The following DNM1 variants were observed in gnomAD, a reference collection of about 807,000 sequenced individuals.
DNM1 encodes the protein dynamin-1.
Under a neutral mutation model 104.6 loss-of-function variants are expected in DNM1, and 29 were observed. The ratio of observed to expected loss-of-function variants is 0.28; its 90% CI spans 0.21 to 0.38. The LOEUF is 0.38. Among genes scored for constraint, DNM1 ranks in the 10% least tolerant of loss-of-function variants. The pLI, the probability that DNM1 is intolerant of heterozygous loss-of-function variation, is 1.00. For missense variants in DNM1, 640 were observed against 1,189.4 expected (o/e 0.54, Z 6.79); for synonymous variants, 445 against 475.8 (o/e 0.94, Z 0.84).
chr9:128,226,213 AT>A (rs1309772693), intron 10 of DNM1: 27 of 1,608,944 alleles, frequency 1.7e-5, no homozygotes, highest in Non-Finnish European at 2.2e-5. Flanking sequence ...CTGGCCGTCC[AT>A]TCCTTGTGGC....
At position 128,203,383 on chromosome 9, in the gene DNM1, T is replaced by A; in HGVS notation, c.-88T>A. Reference sequence around the variant, plus strand: ...CGGGGGCCCCGCGGCGCAGGCAGTCTGGGCGCGCGGCTGCAGCGGCGGAGC... The same window carrying A: ...CGGGGGCCCCGCGGCGCAGGCAGTCAGGGCGCGCGGCTGCAGCGGCGGAGC... On this transcript the variant is annotated 5_prime_UTR_variant, in exon 1 of 22. Coordinates refer to ENST00000372923, the MANE Select transcript of DNM1 (RefSeq NM_004408.4). This position sits in a 1 kb window ranked among gnomAD's most constrained non-coding sequence, Gnocchi z 5.3. 7.9e-7 allele frequency: 1 copy of A among 1,263,488 alleles called. No homozygotes were observed. The highest frequency in any genetic ancestry group is 1.0e-6 in the Non-Finnish European group (1 of 996,232). 78.3% of individuals were successfully genotyped at this position (1,263,488 alleles called of 1,614,324 possible).
intron 14 of DNM1, among the ~76,000 whole-genome samples, chr9:128,241,271 C>CT (rs1836347621): frequency 1.3e-5 from 2 of 152,166 alleles, no homozygotes; most frequent in African/African-American, 4.8e-5. Context: ...GCAGAAGCAG[C>CT]TGCCTCATCC....
Position 128,220,403 on chromosome 9 carries a change from GT to G in DNM1, c.849+63del, listed in dbSNP as rs1834870055. On this transcript the variant is annotated intron_variant, in intron 6 of 21. Transcript: ENST00000372923. This position sits in a 1 kb window ranked among gnomAD's most constrained non-coding sequence, Gnocchi z 5.2. ...AGCATGAAAACAGGATAAATTAAGTGTGTTCTGAGAGTGAACAGCAGAGGTT... is the reference window on the plus strand; with the variant it reads ...AGCATGAAAACAGGATAAATTAAGTGGTTCTGAGAGTGAACAGCAGAGGTT... 1 of 1,590,196 alleles carries G rather than the reference GT, an allele frequency of 6.3e-7. No individual in the cohort carries two copies. The highest frequency in any genetic ancestry group is 1.3e-5 in the African/African-American group (1 of 74,634).
At chr9:128,227,163 A>G (rs1195096671) in intron 10 of DNM1, among the ~76,000 whole-genome samples, 1 of 151,114 alleles carries the variant, frequency 6.6e-6, no homozygotes, top group Non-Finnish European at 1.5e-5. Context: ...ACTAGCATGT[A>G]CCACCACACC....
In DNM1 at chr9:128,250,753, C is replaced by T. The variant is rs1294520095; in HGVS notation, c.2347C>T (p.Arg783Cys). 2 of 1,430,618 alleles carry T rather than the reference C, an allele frequency of 1.4e-6. No individual in the cohort carries two copies. The highest frequency in any genetic ancestry group is 1.8e-6 in the Non-Finnish European group (2 of 1,096,462). The allele number at this position is 1,430,618 out of a possible 1,614,324, so 88.6% of individuals were successfully genotyped here. A position where few individuals can be genotyped will look rare whatever the true frequency, so the allele number is the denominator to read the frequency against. ...GCCCACGTCCAGCCCCACGCCGCAG[C>T]GCCGAGCCCCCGCCGTGCCCCCAGC... ...RSPTSSPTPQRRAPAVPPARP... is the reference protein window; with the variant it reads ...RSPTSSPTPQCRAPAVPPARP... The change falls in exon 21 of 22, where the codon CGC becomes TGC. Residue 783 changes from arginine (R) to cysteine (C), a missense_variant. Coordinates refer to ENST00000372923, the MANE Select transcript of DNM1 (RefSeq NM_004408.4).
chr9:128,249,685 G>A (rs1001800198), intron 19 of DNM1, among the ~76,000 whole-genome samples: 1 of 151,816 alleles, frequency 6.6e-6, no homozygotes, highest in Admixed American at 6.6e-5. Context: ...AGCTGGGGTT[G>A]GTGGTAGCAC....
At chr9:128,226,278 A>G (rs1013425647) in intron 10 of DNM1, 15 of 1,517,728 alleles carry the variant, frequency 9.9e-6, no homozygotes, top group Non-Finnish European at 1.3e-5. Flanking sequence ...GGCTACCCGC[A>G]GGGACCCAGC....
chr9:128,229,990 C>T (rs562383312), intron 10 of DNM1, among the ~76,000 whole-genome samples: 61 of 151,620 alleles, frequency 4.0e-4, no homozygotes, highest in African/African-American at 1.4e-3. Flanking sequence ...GAGGCTGAGG[C>T]GAGTGGATCA....
At chr9:128,237,564 C>T (rs1003720045) in intron 11 of DNM1, among the ~76,000 whole-genome samples, 12 of 152,008 alleles carry the variant, frequency 7.9e-5, no homozygotes, top group African/African-American at 2.4e-4. Flanking sequence ...CCACCCCGCC[C>T]GGCCTGTCCT....
rs1834765839 is a variant in DNM1 at position 128,218,789 on chromosome 9, T to C, written c.385+58T>C. The C allele has an allele frequency of 3.3e-6, 5 of 1,518,812 alleles. No individual in the cohort carries two copies. In the South Asian group the frequency reaches 6.3e-5, roughly 19 times the overall value. The allele number at this position is 1,518,812 out of a possible 1,614,324, so 94.1% of individuals were successfully genotyped here. ...AATCATTTTCTTGGCCACGCACCTC[T>C]GCGTGCCTCGCTCCTCCTGCAGACT... is the stretch of plus-strand genomic sequence containing the variant. On this transcript the variant is annotated intron_variant, in intron 3 of 21. Coordinates refer to ENST00000372923, the MANE Select transcript of DNM1 (RefSeq NM_004408.4). This position sits in a 1 kb window ranked among gnomAD's most constrained non-coding sequence, Gnocchi z 4.8.
chr9:128,246,971 C>A, intron 16 of DNM1: 1 of 229,880 alleles, frequency 4.4e-6, no homozygotes. Flanking sequence ...CCTTCCTGAC[C>A]CAAGGCTGAC....
In DNM1 at chr9:128,253,139, T is replaced by C; in HGVS notation, c.2535-1515T>C. 6.2e-7 allele frequency: 1 copy of C among 1,605,448 alleles called. No homozygotes were observed. The highest frequency in any genetic ancestry group is 1.1e-5 in the South Asian group (1 of 91,024). ...GACCCCTGAGGAGCGTCAGCCATGG[T>C]AGGTACATGCCTCACCGCCTGCTGC... On this transcript the variant is annotated intron_variant, in intron 21 of 21. Coordinates refer to ENST00000372923, the MANE Select transcript of DNM1 (RefSeq NM_004408.4). This position sits in a 1 kb window ranked among gnomAD's most constrained non-coding sequence, Gnocchi z 5.9.
At chr9:128,232,791 T>G (rs1219764051) in intron 10 of DNM1, 3 of 152,246 alleles carry the variant, frequency 2.0e-5, no homozygotes, top group African/African-American at 7.2e-5. Context: ...ATGCACTGAG[T>G]CTCCTCCCCG....
At position 128,250,732 on chromosome 9, in the gene DNM1, A is replaced by G; in HGVS notation, c.2326A>G (p.Thr776Ala). 6.9e-7 allele frequency: 1 copy of G among 1,459,610 alleles called. No homozygotes were observed. The highest frequency in any genetic ancestry group is 9.0e-7 in the Non-Finnish European group (1 of 1,112,070). 90.4% of individuals were successfully genotyped at this position (1,459,610 alleles called of 1,614,324 possible). A position where few individuals can be genotyped will look rare whatever the true frequency, so the allele number is the denominator to read the frequency against. The change falls in exon 21 of 22, where the codon ACG becomes GCG. Residue 776 changes from threonine (T) to alanine (A), a missense_variant. By Grantham distance (58) the Thr-to-Ala change is moderately conservative (BLOSUM62 0). Coordinates refer to ENST00000372923, the MANE Select transcript of DNM1 (RefSeq NM_004408.4). ...GCTCCCTGTCGCCCTCAGGTCGCCCACGTCCAGCCCCACGCCGCAGCGCCG... is the reference window on the plus strand; with the variant it reads ...GCTCCCTGTCGCCCTCAGGTCGCCCGCGTCCAGCCCCACGCCGCAGCGCCG... ...QSVPAGRRSPTSSPTPQRRAP... is the reference protein window; with the variant it reads ...QSVPAGRRSPASSPTPQRRAP...
intron 21 of DNM1, chr9:128,252,946 GTT>G: frequency 1.3e-6 from 1 of 750,720 alleles, no homozygotes; most frequent in Non-Finnish European, 2.3e-6. Context: ...TATGCGTGTT[GTT>G]TGTGGGCATG....
chr9:128,241,132 C>A lies in DNM1; in HGVS notation c.1558-1100C>A, dbSNP rs558585335. On this transcript the variant is annotated intron_variant, in intron 14 of 21. Transcript: ENST00000372923. ...GGTTCTCAGCGAGGTTCTCAGGGAACCAGAGAGGCATAAGGAGGGCTCCAG... is the reference window on the plus strand; with the variant it reads ...GGTTCTCAGCGAGGTTCTCAGGGAAACAGAGAGGCATAAGGAGGGCTCCAG... 3.0e-3 allele frequency: 453 copies of A among 152,322 alleles called. 2 individuals carry two copies. The highest frequency in any genetic ancestry group is 0.01 in the African/African-American group (434 of 41,532). 9.4% of individuals were successfully genotyped at this position (152,322 alleles called of 1,614,324 possible).
Position 128,243,776 on chromosome 9 carries a change from C to T in DNM1, c.1671+1431C>T, listed in dbSNP as rs994798496. On this transcript the variant is annotated intron_variant, in intron 15 of 21. Coordinates refer to ENST00000372923, the MANE Select transcript of DNM1 (RefSeq NM_004408.4). This position sits in a 1 kb window ranked among gnomAD's most constrained non-coding sequence, Gnocchi z 4.0. ...ACCGGGTGACACTGTGGGGGAGGGG[C>T]ACGTGCCACTGAGGGGGTCCCCTGA... Among the ~76,000 whole-genome samples the T allele has an allele frequency of 3.9e-5, 6 of 152,236 alleles. No homozygotes were observed. The South Asian group carries it at 6.2e-4, about 16-fold the overall frequency.
rs562221746 is a variant in DNM1, at chr9:128,225,987, C to G, written c.1335+1598C>G. 95 of 1,595,188 alleles carry G rather than the reference C, an allele frequency of 6.0e-5. No homozygotes were observed. In the South Asian group the frequency reaches 9.4e-4, roughly 16 times the overall value. On this transcript the variant is annotated intron_variant, in intron 10 of 21. Transcript: ENST00000372923. ...TTGGCTTTCACCCACTTCTCCTCCC[C>G]ACCCACGGCTGCTCCTCCTCCTGTC...
rs1834720025 is a variant in DNM1 at position 128,218,097 on chromosome 9, G to A, written c.162-134G>A. The A allele has an allele frequency of 1.2e-6, 1 of 814,468 alleles. No individual in the cohort carries two copies. The highest frequency in any genetic ancestry group is 2.2e-6 in the Non-Finnish European group (1 of 463,906). The allele number at this position is 814,468 out of a possible 1,614,324, so 50.5% of individuals were successfully genotyped here. On this transcript the variant is annotated intron_variant, in intron 1 of 21. Coordinates refer to ENST00000372923, the MANE Select transcript of DNM1 (RefSeq NM_004408.4). This position sits in a 1 kb window ranked among gnomAD's most constrained non-coding sequence, Gnocchi z 4.8. ...TGCCATATGCTCTTAGTTACCTGAA[G>A]CCCCTGGGCTAAGGAGCGGTGGAGC...
Sources: allele counts gnomAD v4.1 joint callset (sites outside exome capture counted in the v4.1 genomes callset), GRCh38; gene constraint gnomAD v4.1.1; non-coding constraint Gnocchi (gnomAD v3.1); transcripts MANE v1.5; gene names NCBI Gene and HGNC (gene_info 2026-07-23, HGNC 2026-07-21).